Variants in TENM3 observed in about 807,000 individuals in gnomAD.
TENM3 encodes teneurin transmembrane protein 3, also known as teneurin-3.
In TENM3, 63 loss-of-function variants were observed where a neutral mutation model predicts 255.1. The observed-to-expected ratio is 0.25, with a 90% CI of 0.20 to 0.30. TENM3 has a LOEUF of 0.30. TENM3 is among the 10% of genes least tolerant of loss of function. The pLI is 1.00. For synonymous variants in TENM3, 1,306 were observed against 1,322.3 expected (o/e 0.99, Z 0.27); for missense variants, 2,929 against 3,461.1 (o/e 0.85, Z 3.86).
intron 6 of TENM3, among the ~76,000 whole-genome samples, chr4:182,661,608 TAACACTCTGTATCCAC>T (rs1277470796): frequency 6.6e-6 from 1 of 152,222 alleles, no homozygotes; most frequent in Admixed American, 6.5e-5. Context: ...GCTTGTGATG[TAACACTCTGTATCCAC>T]AATGCTAAAT....
At chr4:182,185,509 C>A (rs995004912) in intron 1 of TENM3, among the ~76,000 whole-genome samples, 27 of 152,218 alleles carry the variant, frequency 1.8e-4, no homozygotes, top group African/African-American at 6.0e-4. Context: ...AAAAAACTTT[C>A]ATTCTTACCT....
At chr4:182,476,912 G>A (rs1209807267) in intron 3 of TENM3, among the ~76,000 whole-genome samples, 1 of 152,160 alleles carries the variant, frequency 6.6e-6, no homozygotes, top group Non-Finnish European at 1.5e-5. Flanking sequence ...AGTCTGAACA[G>A]GCTTGTTCTA....
In TENM3 at chr4:182,617,451, A is replaced by T. The variant is rs963028294; in HGVS notation, c.750-11200A>T. Among the ~76,000 whole-genome samples the T allele has an allele frequency of 8.5e-5, 13 of 152,182 alleles. No homozygotes were observed. The South Asian group carries it at 2.7e-3, about 32-fold the overall frequency. On this transcript the variant is annotated intron_variant, in intron 4 of 27. Transcript: ENST00000511685. ...GGTACATTTAATCCACAAGTGTGGG[A>T]TTCATTTGCTTTAGATCTGAAAATG...
chr4:182,172,099 A>C (rs1242098795), intron 1 of TENM3, among the ~76,000 whole-genome samples: 2 of 63,908 alleles, frequency 3.1e-5, no homozygotes, highest in Non-Finnish European at 8.3e-5. Flanking sequence ...GTAGTACACC[A>C]TTATAAATAT....
rs1386031096 is a variant in TENM3, at chr4:182,161,754, T to G, written c.-76+17000T>G. Among the ~76,000 whole-genome samples, 3 of 78,302 alleles carry G rather than the reference T, an allele frequency of 3.8e-5. 1 individual carries two copies. In the East Asian group the frequency reaches 8.6e-4, roughly 23 times the overall value. 51.4% of individuals were successfully genotyped at this position (78,302 alleles called of 152,430 possible). A position where few individuals can be genotyped will look rare whatever the true frequency, so the allele number is the denominator to read the frequency against. ...ATATACACAAATATATGTGTATATA[T>G]ATACATATATATGTGTATATATATA... On this transcript the variant is annotated intron_variant, in intron 1 of 2. Transcript: ENST00000512480.
the TENM3 span, among the ~76,000 whole-genome samples, chr4:182,034,423 A>G: frequency 1.3e-5 from 2 of 152,188 alleles, no homozygotes; most frequent in African/African-American, 2.4e-5. Flanking sequence ...TGATCCTGTC[A>G]TGATGATGCT....
the TENM3 span, among the ~76,000 whole-genome samples, chr4:181,641,353 G>T: frequency 9.9e-5 from 15 of 151,024 alleles, no homozygotes; most frequent in Admixed American, 7.9e-4. Context: ...CCCCCGGCAG[G>T]GCCCGGTGTG....
At chr4:181,833,813 C>A in the TENM3 span, among the ~76,000 whole-genome samples, 42,636 of 151,962 alleles carry the variant, frequency 0.28, 6,320 homozygotes, top group Middle Eastern at 0.34. Context: ...GGTAATATGT[C>A]TCTTTTCTCT....
At chr4:181,890,023 ATAGT>A in the TENM3 span, among the ~76,000 whole-genome samples, 1 of 152,192 alleles carries the variant, frequency 6.6e-6, no homozygotes, top group East Asian at 1.9e-4. Context: ...AGAGGGACTA[ATAGT>A]TAGATTAAGC....
chr4:181,735,316 A>G, the TENM3 span, among the ~76,000 whole-genome samples: 1 of 152,166 alleles, frequency 6.6e-6, no homozygotes, highest in African/African-American at 2.4e-5. Flanking sequence ...AGCATCCCAT[A>G]GAAACAAATA....
chr4:182,234,024 C>A (rs1329409975), intron 1 of TENM3, among the ~76,000 whole-genome samples: 1 of 152,148 alleles, frequency 6.6e-6, no homozygotes, highest in African/African-American at 2.4e-5. Context: ...TGGTTGATTC[C>A]TTTATCGGCC....
At chr4:181,548,063 G>T in the TENM3 span, among the ~76,000 whole-genome samples, 3 of 151,648 alleles carry the variant, frequency 2.0e-5, no homozygotes, top group African/African-American at 7.3e-5. Context: ...TGCGGTGTCT[G>T]TTTTTTTCTC....
At chr4:181,546,989 C>T in the TENM3 span, among the ~76,000 whole-genome samples, 1 of 152,084 alleles carries the variant, frequency 6.6e-6, no homozygotes, top group Non-Finnish European at 1.5e-5. Context: ...GATTCAAAAC[C>T]TTAATCATCT....
At chr4:181,644,674 G>T in the TENM3 span, among the ~76,000 whole-genome samples, 1 of 151,876 alleles carries the variant, frequency 6.6e-6, no homozygotes, top group South Asian at 2.1e-4. Context: ...TATTTCATCT[G>T]GCTTATTGCT....
intron 22 of TENM3, among the ~76,000 whole-genome samples, chr4:182,757,818 A>G (rs1248984164): frequency 6.6e-6 from 1 of 152,222 alleles, no homozygotes; most frequent in Non-Finnish European, 1.5e-5. Flanking sequence ...TTAATTAATT[A>G]AAATACAGCA....
At chr4:181,519,722 G>T in the TENM3 span, among the ~76,000 whole-genome samples, 2 of 152,162 alleles carry the variant, frequency 1.3e-5, no homozygotes, top group African/African-American at 2.4e-5. Context: ...CTCATTACTT[G>T]TAATTACTAT....
At position 182,207,728 on chromosome 4, in the gene TENM3, A is replaced by AGTATTTTAAG. The variant is rs1223404036; in HGVS notation, c.-76+62975_-76+62984dup. ...AAAGCTTGGGAAAAATATGATCAAA[A>AGTATTTTAAG]GTATTTTAAGTGCATTAACTTTAGA... On this transcript the variant is annotated intron_variant, in intron 1 of 2. Transcript: ENST00000512480. Among the ~76,000 whole-genome samples, 4 of 152,236 alleles carry AGTATTTTAAG rather than the reference A, an allele frequency of 2.6e-5. No individual in the cohort carries two copies. The East Asian group carries it at 7.7e-4, about 29-fold the overall frequency.
the TENM3 span, among the ~76,000 whole-genome samples, chr4:181,638,366 T>C: frequency 6.6e-6 from 1 of 152,204 alleles, no homozygotes; most frequent in Admixed American, 6.5e-5. Flanking sequence ...GCCGTGAAAG[T>C]TGTGAAGTTG....
At chr4:182,385,262 CTTTTTT>C (rs397762118) in intron 3 of TENM3, among the ~76,000 whole-genome samples, 2 of 112,104 alleles carry the variant, frequency 1.8e-5, no homozygotes, top group East Asian at 5.8e-4. Context: ...TATTGTGCGT[CTTTTTT>C]TTTTTTTTTT....
Sources: gnomAD v4.1 joint callset for allele counts (sites outside exome capture counted in the v4.1 genomes callset) on GRCh38, gnomAD v4.1.1 for gene constraint, MANE v1.5 for transcripts, NCBI Gene and HGNC (gene_info 2026-07-23, HGNC 2026-07-21) for gene names.